Variants in TSPAN15 observed in about 807,000 individuals in gnomAD.
TSPAN15 encodes tetraspanin 15, also known as tetraspanin-15.
In TSPAN15, 20 loss-of-function variants were observed where a neutral mutation model predicts 34.5. The ratio of observed to expected loss-of-function variants is 0.58; its 90% CI spans 0.41 to 0.84. The LOEUF (loss-of-function observed/expected upper bound fraction) is 0.84, where lower values mean the gene tolerates loss of function less well. Ranked by LOEUF, TSPAN15 falls within the 40% of genes least tolerant of loss-of-function variation. The pLI is 0.00. For missense variants in TSPAN15, 313 were observed against 386.1 expected (o/e 0.81, Z 1.59); for synonymous variants, 155 against 153.9 (o/e 1.01, Z -0.05).
the TSPAN15 span, among the ~76,000 whole-genome samples, chr10:69,518,863 A>T: frequency 6.6e-6 from 1 of 152,218 alleles, no homozygotes; most frequent in Non-Finnish European, 1.5e-5. Context: ...GGAGGCACCC[A>T]GGCCCTGGGC....
intron 1 of TSPAN15, among the ~76,000 whole-genome samples, chr10:69,453,818 C>T (rs1841026038): frequency 6.6e-6 from 1 of 152,226 alleles, no homozygotes; most frequent in Non-Finnish European, 1.5e-5. Flanking sequence ...CAGGGTGGTT[C>T]TCAGAACTTG....
Position 69,506,946 on chromosome 10 carries a change from G to A in TSPAN15, c.853G>A (p.Gly285Ser). 3 of 1,609,894 alleles carry A rather than the reference G, an allele frequency of 1.9e-6. No homozygotes were observed. The highest frequency in any genetic ancestry group is 1.1e-5 in the South Asian group (1 of 89,698). The change falls in exon 8 of 8, where the codon GGC (glycine) becomes AGC (serine). Residue 285 changes from glycine to serine, a missense_variant. By Grantham distance (56) the Gly-to-Ser change is moderately conservative. Transcript: ENST00000373290. The surrounding 1 kb of genome is among the most constrained non-coding windows in gnomAD (Gnocchi z 4.7). The stretch of plus-strand genomic sequence containing the variant: ...TGCCAAGCCCAGCGTGGAGGCGGCA[G>A]GCACGGGATGCTGCTTGTGCTACCC... ...PGAKPSVEAA[G>S]TGCCLCYPN is the part of the protein sequence containing the mutation.
chr10:69,521,171 C>T, the TSPAN15 span, among the ~76,000 whole-genome samples: 2 of 152,156 alleles, frequency 1.3e-5, no homozygotes, highest in East Asian at 1.9e-4. Flanking sequence ...CCTTCCCCAG[C>T]GTGGGCAGGC....
rs528200029 is a variant in TSPAN15 at position 69,504,442 on chromosome 10, A to C, written c.575A>C (p.Glu192Ala). The change falls in exon 6 of 8, where the codon GAA (glutamate) becomes GCA (alanine). Residue 192 changes from glutamate (E) to alanine (A), a missense_variant. Coordinates refer to ENST00000373290, the MANE Select transcript of TSPAN15 (RefSeq NM_012339.5). ...TATTATACATTTCCATTTCAGACAG[A>C]AGTTGTCAACACCATGTGTGGCTAC... ...PYTCCIRNTT[E>A]VVNTMCGYKT... 73 of 1,613,764 alleles carry C rather than the reference A, an allele frequency of 4.5e-5. 1 individual carries two copies. The South Asian group carries it at 7.5e-4, about 17-fold the overall frequency.
intron 2 of TSPAN15, 125 bp from the exon 3 acceptor site, chr10:69,485,016 G>A (rs1841820772): frequency 2.2e-6 from 2 of 890,326 alleles, no homozygotes; most frequent in Non-Finnish European, 3.7e-6. Context: ...AGGCCTAGGA[G>A]CTGGTAGGAG....
At chr10:69,528,457 TA>T in the TSPAN15 span, among the ~76,000 whole-genome samples, 2 of 148,616 alleles carry the variant, frequency 1.3e-5, no homozygotes, top group Non-Finnish European at 3.0e-5. Flanking sequence ...CTGTTGGTGT[TA>T]CAGCTCTTTT....
intron 1 of TSPAN15, among the ~76,000 whole-genome samples, chr10:69,454,678 G>GT (rs2133050760): frequency 6.6e-6 from 1 of 152,128 alleles, no homozygotes; most frequent in East Asian, 1.9e-4. Context: ...TTAGCTGGGC[G>GT]TGGTGGCATG....
intron 1 of TSPAN15, among the ~76,000 whole-genome samples, chr10:69,459,105 CAAAAAAA>C (rs1259881929): frequency 1.7e-5 from 1 of 57,734 alleles, no homozygotes; most frequent in South Asian, 5.8e-4. Flanking sequence ...ACAAAACAGA[CAAAAAAA>C]AAAAAAAAAA....
intron 1 of TSPAN15, among the ~76,000 whole-genome samples, chr10:69,453,753 C>T (rs1841025060): frequency 6.6e-6 from 1 of 152,230 alleles, no homozygotes; most frequent in Admixed American, 6.5e-5. Context: ...CTGTCACTGT[C>T]CTTTGCAGCC....
intron 1 of TSPAN15, among the ~76,000 whole-genome samples, chr10:69,483,174 G>C (rs1330447914): frequency 6.6e-6 from 1 of 152,074 alleles, no homozygotes; most frequent in African/African-American, 2.4e-5. Context: ...ATTTTTAGTA[G>C]AGACAGGGTT....
intron 1 of TSPAN15, among the ~76,000 whole-genome samples, chr10:69,473,296 A>G (rs545423344): frequency 6.6e-6 from 1 of 152,206 alleles, no homozygotes; most frequent in South Asian, 2.1e-4. Context: ...AGCTTGGAGG[A>G]TGGGTATGAG....
chr10:69,504,332 G>C, intron 5 of TSPAN15, 106 bp from the exon 6 acceptor site: 1 of 1,076,686 alleles, frequency 9.3e-7, no homozygotes, highest in East Asian at 2.6e-5. Context: ...CCTGCTGGAC[G>C]GTGCAACTCT....
intron 3 of TSPAN15, among the ~76,000 whole-genome samples, chr10:69,486,040 C>T (rs192355338): frequency 1.2e-4 from 18 of 152,278 alleles, no homozygotes; most frequent in Non-Finnish European, 2.6e-4. Context: ...GATGTACGCA[C>T]CTCATACTAG....
chr10:69,539,546 AGAAGGAGAAGG>A, the TSPAN15 span, among the ~76,000 whole-genome samples: 3,080 of 71,448 alleles, frequency 0.043, 441 homozygotes, highest in East Asian at 0.085. Flanking sequence ...AAGGAGAAGG[AGAAGGAGAAGG>A]AGAAGGAGAA....
chr10:69,497,354 C>T (rs554688182), intron 4 of TSPAN15, among the ~76,000 whole-genome samples: 1 of 152,328 alleles, frequency 6.6e-6, no homozygotes, highest in African/African-American at 2.4e-5. Context: ...CCTGTGCCGC[C>T]CTTTCATCCT....
chr10:69,545,085 C>T, the TSPAN15 span, among the ~76,000 whole-genome samples: 33 of 152,278 alleles, frequency 2.2e-4, no homozygotes, highest in Middle Eastern at 6.8e-3. Flanking sequence ...CTGGGGGTCC[C>T]GCCTGCTTCT....
downstream of TSPAN15, among the ~76,000 whole-genome samples, chr10:69,512,127 GCTTT>G (rs1315368019): frequency 6.6e-6 from 1 of 152,138 alleles, no homozygotes; most frequent in Non-Finnish European, 1.5e-5. Context: ...CCTGGAGAGG[GCTTT>G]GTCCATCCTG....
downstream of TSPAN15, among the ~76,000 whole-genome samples, chr10:69,508,440 C>CAAAAAAAAAAAAAAAAAAAAAAAA (rs71009229): frequency 1.6e-5 from 1 of 62,162 alleles, no homozygotes; most frequent in African/African-American, 6.1e-5. Flanking sequence ...GACTCCATCT[C>CAAAAAAAAAAAAAAAAAAAAAAAA]AAAAAAAAAA....
At chr10:69,453,790 T>G (rs1342765567) in intron 1 of TSPAN15, among the ~76,000 whole-genome samples, 1 of 152,270 alleles carries the variant, frequency 6.6e-6, no homozygotes, top group Non-Finnish European at 1.5e-5. Context: ...CAATGGCCCT[T>G]GCCTTGCTTC....
Sources: gnomAD v4.1 joint callset for allele counts (sites outside exome capture counted in the v4.1 genomes callset) on GRCh38, gnomAD v4.1.1 for gene constraint, Gnocchi (gnomAD v3.1) non-coding constraint, MANE v1.5 for transcripts, NCBI Gene and HGNC (gene_info 2026-07-23, HGNC 2026-07-21) for gene names.